The following ZNF189 variants were observed in gnomAD, a reference collection of about 807,000 sequenced individuals.
The protein encoded by ZNF189 is zinc finger protein 189.
ZNF189 carries 33 observed loss-of-function variants against 53.5 expected under a neutral mutation model. That is an observed-to-expected ratio of 0.62 (90% CI 0.47 to 0.82). The LOEUF (loss-of-function observed/expected upper bound fraction) is 0.82. ZNF189 is among the 40% of genes least tolerant of loss of function. ZNF189 has a pLI of 0.00. For synonymous variants in ZNF189, 247 were observed against 238.8 expected, an observed-to-expected ratio of 1.03 and a Z score of -0.32; for missense variants, 711 against 753.9, an observed-to-expected ratio of 0.94 and a Z score of 0.67.
In ZNF189 at chr9:101,408,846, A is replaced by C. The variant is rs780378705; in HGVS notation, c.1078A>C (p.Ile360Leu). The change falls in exon 3 of 3, where the codon ATT (isoleucine) becomes CTT (leucine). Residue 360 changes from isoleucine to leucine, a missense_variant. By Grantham distance (5) the Ile-to-Leu change is conservative. Coordinates refer to ENST00000339664, the MANE Select transcript of ZNF189 (RefSeq NM_003452.4). ...AAGTTTCAGTCGGAGCTCATTCCTT[A>C]TTGAACATCAGAGGATCCATACTGG... is the stretch of plus-strand genomic sequence containing the variant. ...GKSFSRSSFL[I>L]EHQRIHTGER... 7 of 1,614,168 alleles carry C rather than the reference A, an allele frequency of 4.3e-6. No individual in the cohort carries two copies. In the South Asian group the frequency reaches 7.7e-5, roughly 18 times the overall value.
At chr9:101,400,836 T>C (rs1204837734) in intron 2 of ZNF189, among the ~76,000 whole-genome samples, 2 of 152,212 alleles carry the variant, frequency 1.3e-5, no homozygotes, top group Admixed American at 1.3e-4. Flanking sequence ...TTATTGACTG[T>C]GACTAGACGA....
Position 101,400,029 on chromosome 9 carries a change from T to G in ZNF189, c.160+19T>G, listed in dbSNP as rs752513334. 1 of 1,610,750 alleles carries G rather than the reference T, an allele frequency of 6.2e-7. No homozygotes were observed. Among genetic ancestry groups the G allele is most frequent in the East Asian group, 2.2e-5 (1 of 44,840 alleles). ...TCACTGGGTAAGAATCTGCTGTTTCTCTAATTAAAATATCTAAGAAGGTAG... is the reference window on the plus strand; with the variant it reads ...TCACTGGGTAAGAATCTGCTGTTTCGCTAATTAAAATATCTAAGAAGGTAG... On this transcript the variant is annotated intron_variant, in intron 2 of 2. Coordinates refer to ENST00000339664, the MANE Select transcript of ZNF189 (RefSeq NM_003452.4).
intron 1 of ZNF189, 78 bp downstream of exon 1, chr9:101,399,267 G>C (rs886068774): frequency 2.9e-6 from 4 of 1,402,584 alleles, no homozygotes; most frequent in Middle Eastern, 3.7e-4. Context: ...TTCTCCCCCA[G>C]GCCCCCCACC....
chr9:101,400,582 C>G (rs1211173649), intron 2 of ZNF189, among the ~76,000 whole-genome samples: 1 of 152,228 alleles, frequency 6.6e-6, no homozygotes, highest in Non-Finnish European at 1.5e-5. Flanking sequence ...CACTCAATTC[C>G]TTTTCACTAT....
At chr9:101,405,977 A>T (rs1233704071) in intron 2 of ZNF189, among the ~76,000 whole-genome samples, 2 of 151,030 alleles carry the variant, frequency 1.3e-5, no homozygotes, top group Non-Finnish European at 2.9e-5. Flanking sequence ...AGGCAGGAGA[A>T]TTGCTTGAAC....
chr9:101,406,796 A>G (rs1474120723), intron 2 of ZNF189, among the ~76,000 whole-genome samples: 1 of 152,204 alleles, frequency 6.6e-6, no homozygotes, highest in Non-Finnish European at 1.5e-5. Flanking sequence ...AATCAGGAAG[A>G]TGTCCGAAGC....
rs772512615 is a variant in ZNF189 at position 101,399,177 on chromosome 9, G to A, written c.21G>A (p.Pro7=). Residue 7 remains proline (P), a synonymous_variant, in exon 1 of 3, where the codon CCG becomes CCA. Coordinates refer to ENST00000339664, the MANE Select transcript of ZNF189 (RefSeq NM_003452.4). ...GGGAGATGGCTTCCCCGAGCCCCCC[G>A]CCGGAGTCGAAGGTAAGTAAGCACC... MASPSP[P]PESKGLLTFE... is the part of the protein sequence containing the mutation. 4.4e-6 allele frequency: 7 copies of A among 1,580,558 alleles called. No homozygotes were observed. The highest frequency in any genetic ancestry group is 5.2e-6 in the Non-Finnish European group (6 of 1,158,650).
intron 2 of ZNF189, chr9:101,407,415 T>C: frequency 2.5e-6 from 1 of 398,630 alleles, no homozygotes; most frequent in Non-Finnish European, 4.4e-6. Context: ...AGATTAGGTC[T>C]CACTCTATTG....
In ZNF189 at chr9:101,409,214, G is replaced by T. The variant is rs775327279; in HGVS notation, c.1446G>T (p.Lys482Asn). The change falls in exon 3 of 3, where the codon AAG becomes AAT. Residue 482 changes from lysine to asparagine, a missense_variant. Physicochemically the swap from Lys to Asn is moderately conservative, Grantham distance 94 (BLOSUM62 0). Coordinates refer to ENST00000339664, the MANE Select transcript of ZNF189 (RefSeq NM_003452.4). ...VQHQRIHTGE[K>N]PYLCTVCGKS... ...ATCAAAGAATCCACACTGGTGAAAA[G>T]CCCTATCTATGTACTGTCTGTGGGA... The T allele has an allele frequency of 1.2e-6, 2 of 1,613,320 alleles. No homozygotes were observed. Among genetic ancestry groups the T allele is most frequent in the Non-Finnish European group, 8.5e-7 (1 of 1,179,516 alleles).
intron 1 of ZNF189, chr9:101,399,641 C>T: frequency 7.8e-7 from 1 of 1,286,636 alleles, no homozygotes; most frequent in South Asian, 1.7e-5. Context: ...GGCCTTGGGG[C>T]AGTTTACTAA....
chr9:101,406,802 G>A (rs369454319), intron 2 of ZNF189, among the ~76,000 whole-genome samples: 3 of 152,132 alleles, frequency 2.0e-5, no homozygotes, highest in African/African-American at 4.8e-5. Flanking sequence ...GAAGATGTCC[G>A]AAGCGGGCCT....
In ZNF189 at chr9:101,408,420, A is replaced by G. The variant is rs966515559; in HGVS notation, c.652A>G (p.Thr218Ala). The G allele has an allele frequency of 6.2e-7, 1 of 1,612,862 alleles. No homozygotes were observed. The highest frequency in any genetic ancestry group is 1.1e-5 in the South Asian group (1 of 91,024). ...TGGAAAAACCTTTAGTGTGAGCTCA[A>G]CCCTTATTAGACATCAGAGAATCCA... ...YCGKTFSVSSTLIRHQRIHTG... is the reference protein window; with the variant it reads ...YCGKTFSVSSALIRHQRIHTG... The change falls in exon 3 of 3, where the codon ACC becomes GCC. Residue 218 changes from threonine to alanine, a missense_variant. Thr to Ala is a moderately conservative substitution (Grantham distance 58). Transcript: ENST00000339664.
chr9:101,409,600 G>GT lies in ZNF189; in HGVS notation c.1833dup (p.Ile612TyrfsTer26), dbSNP rs1311576772. The GT allele has an allele frequency of 1.2e-6, 2 of 1,612,622 alleles. No homozygotes were observed. The highest frequency in any genetic ancestry group is 1.7e-6 in the Non-Finnish European group (2 of 1,179,670). ...GCTTGTGGTGAAGCCTTTAATTGCC[G>GT]TATTTCTCTTATTCAGCATCAGAAA... On this transcript the variant is annotated frameshift_variant, in exon 3 of 3. Coordinates refer to ENST00000339664, the MANE Select transcript of ZNF189 (RefSeq NM_003452.4). LOFTEE classifies it high-confidence loss of function.
At position 101,409,510 on chromosome 9, in the gene ZNF189, G is replaced by C; in HGVS notation, c.1742G>C (p.Arg581Pro). The C allele has an allele frequency of 1.9e-6, 3 of 1,614,018 alleles. No individual in the cohort carries two copies. Among genetic ancestry groups the C allele is most frequent in the Non-Finnish European group, 2.5e-6 (3 of 1,180,004 alleles). ...EKCDKSFSQQRSLVNHQKIHA... is the reference protein window; with the variant it reads ...EKCDKSFSQQPSLVNHQKIHA... ...TGCGACAAAAGTTTCAGTCAACAGCGCAGTCTTGTCAACCATCAGAAGATC... is the reference window on the plus strand; with the variant it reads ...TGCGACAAAAGTTTCAGTCAACAGCCCAGTCTTGTCAACCATCAGAAGATC... The change falls in exon 3 of 3, where the codon CGC (arginine) becomes CCC (proline). Residue 581 changes from arginine to proline, a missense_variant. Physicochemically the swap from Arg to Pro is moderately radical, Grantham distance 103. Coordinates refer to ENST00000339664, the MANE Select transcript of ZNF189 (RefSeq NM_003452.4).
chr9:101,407,908 AT>A lies in ZNF189; in HGVS notation c.161-18del. The A allele has an allele frequency of 7.3e-6, 11 of 1,502,628 alleles. No individual in the cohort carries two copies. In the African/African-American group the frequency reaches 1.1e-4, roughly 15 times the overall value. 93.1% of individuals were successfully genotyped at this position (1,502,628 alleles called of 1,614,324 possible). On this transcript the variant is annotated intron_variant, in intron 2 of 2. Transcript: ENST00000339664. ...TTCAAAGACCTTGGTTGATCTTTGTATTTCCTTTTTATTATTCCAGATGTTT... is the reference window on the plus strand; with the variant it reads ...TTCAAAGACCTTGGTTGATCTTTGTATTCCTTTTTATTATTCCAGATGTTT...
At chr9:101,402,488 G>A (rs1213669053) in intron 2 of ZNF189, among the ~76,000 whole-genome samples, 1 of 152,196 alleles carries the variant, frequency 6.6e-6, no homozygotes. Flanking sequence ...CATCTTCTCT[G>A]TTGAGTTTCC....
intron 2 of ZNF189, among the ~76,000 whole-genome samples, chr9:101,403,954 C>G (rs1830624429): frequency 6.6e-6 from 1 of 152,196 alleles, no homozygotes; most frequent in Non-Finnish European, 1.5e-5. Context: ...ATTCTTCTGT[C>G]CTTTTGGCTT....
chr9:101,406,764 T>C (rs926425356), intron 2 of ZNF189, among the ~76,000 whole-genome samples: 6 of 152,216 alleles, frequency 3.9e-5, no homozygotes, highest in African/African-American at 1.4e-4. Flanking sequence ...TTATCTAATA[T>C]CTATTCCAGC....
At chr9:101,401,316 C>G (rs1345077186) in intron 2 of ZNF189, among the ~76,000 whole-genome samples, 1 of 152,182 alleles carries the variant, frequency 6.6e-6, no homozygotes, top group Non-Finnish European at 1.5e-5. Flanking sequence ...TGAAGCTCAC[C>G]TTCTGTTTCT....
Sources: allele counts gnomAD v4.1 joint callset (sites outside exome capture counted in the v4.1 genomes callset), GRCh38; gene constraint gnomAD v4.1.1; transcripts MANE v1.5; gene names NCBI Gene and HGNC (gene_info 2026-07-23, HGNC 2026-07-21).